The following RGS5 variants were observed in gnomAD, a reference collection of about 807,000 sequenced individuals.
The protein encoded by RGS5 is regulator of G-protein signalling 5.
RGS5 carries 20 observed loss-of-function variants against 18.9 expected under a neutral mutation model. The observed-to-expected ratio is 1.06, with a 90% CI of 0.74 to 1.54. The LOEUF is 1.54. RGS5 is among the 40% of genes most tolerant of loss of function. The pLI is 0.00. For synonymous variants in RGS5, 57 were observed against 76.2 expected, an observed-to-expected ratio of 0.75 and a Z score of 1.31; for missense variants, 201 against 211.8, an observed-to-expected ratio of 0.95 and a Z score of 0.32.
At chr1:163,177,053 G>C (rs1002579601) in intron 1 of RGS5, among the ~76,000 whole-genome samples, 2 of 152,204 alleles carry the variant, frequency 1.3e-5, no homozygotes, top group Non-Finnish European at 2.9e-5. Flanking sequence ...CCAACTAGCA[G>C]GACGCGTGCT....
chr1:163,199,935 T>A (rs1013845301), intron 1 of RGS5, among the ~76,000 whole-genome samples: 1 of 152,084 alleles, frequency 6.6e-6, no homozygotes, highest in African/African-American at 2.4e-5. Flanking sequence ...CCTCCCAAAG[T>A]GCGAGGATTA....
chr1:163,277,744 G>A (rs1389745263), intron 2 of RGS5, among the ~76,000 whole-genome samples: 1 of 152,082 alleles, frequency 6.6e-6, no homozygotes, highest in Non-Finnish European at 1.5e-5. Context: ...GGTCCAACAT[G>A]AGAGGAACAC....
chr1:163,301,457 T>G (rs527688040), intron 2 of RGS5, among the ~76,000 whole-genome samples: 1 of 152,234 alleles, frequency 6.6e-6, no homozygotes, highest in Non-Finnish European at 1.5e-5. Flanking sequence ...TTCAGCTTCC[T>G]GAGTATCTGG....
At chr1:163,230,579 T>C (rs1647454657) in intron 2 of RGS5, among the ~76,000 whole-genome samples, 1 of 152,194 alleles carries the variant, frequency 6.6e-6, no homozygotes, top group Non-Finnish European at 1.5e-5. Flanking sequence ...GAAGGCTGTG[T>C]CAACTCATGC....
At chr1:163,194,936 C>G (rs896693359) in intron 1 of RGS5, among the ~76,000 whole-genome samples, 3 of 152,022 alleles carry the variant, frequency 2.0e-5, no homozygotes, top group Non-Finnish European at 4.4e-5. Flanking sequence ...AGTCAAAAAA[C>G]AATAGATGTT....
intron 1 of RGS5, among the ~76,000 whole-genome samples, chr1:163,192,383 C>T (rs550133234): frequency 2.8e-4 from 43 of 152,136 alleles, no homozygotes; most frequent in African/African-American, 9.9e-4. Flanking sequence ...GTGGGGAAAT[C>T]CCACACATTG....
intron 2 of RGS5, among the ~76,000 whole-genome samples, chr1:163,278,795 T>C (rs1295625026): frequency 6.6e-6 from 1 of 152,048 alleles, no homozygotes; most frequent in Non-Finnish European, 1.5e-5. Context: ...ATATGCTGCC[T>C]ACAAGAAACT....
intron 2 of RGS5, among the ~76,000 whole-genome samples, chr1:163,245,602 G>C (rs1390474223): frequency 6.6e-6 from 1 of 152,168 alleles, no homozygotes; most frequent in Non-Finnish European, 1.5e-5. Flanking sequence ...TATCACAGTT[G>C]AGAATGCAAA....
chr1:163,234,133 T>G (rs1183250986), intron 2 of RGS5, among the ~76,000 whole-genome samples: 1 of 152,228 alleles, frequency 6.6e-6, no homozygotes, highest in Non-Finnish European at 1.5e-5. Context: ...ATAGAAGGGA[T>G]AAGATCACAT....
upstream of RGS5, among the ~76,000 whole-genome samples, chr1:163,221,622 G>T (rs1321189209): frequency 2.6e-5 from 4 of 152,314 alleles, no homozygotes; most frequent in African/African-American, 9.6e-5. Context: ...AAAAGAATTT[G>T]CTTCTGATGT....
chr1:163,284,787 C>T (rs778096389), intron 2 of RGS5, among the ~76,000 whole-genome samples: 2 of 152,016 alleles, frequency 1.3e-5, no homozygotes, highest in Non-Finnish European at 2.9e-5. Context: ...CTCTCTCCTC[C>T]CCTCCCTCCC....
intron 2 of RGS5, among the ~76,000 whole-genome samples, chr1:163,292,288 C>T (rs551028776): frequency 8.5e-5 from 13 of 152,210 alleles, no homozygotes; most frequent in East Asian, 3.9e-4. Flanking sequence ...TCTGTTCTTG[C>T]GTTAGTTTAC....
At chr1:163,172,448 A>G (rs565369986) in intron 1 of RGS5, 6 of 1,222,000 alleles carry the variant, frequency 4.9e-6, no homozygotes, top group African/African-American at 1.5e-5. Context: ...TATTTTATCT[A>G]TATCACTGCT....
intron 2 of RGS5, among the ~76,000 whole-genome samples, chr1:163,235,903 C>A (rs753390356): frequency 1.4e-4 from 21 of 152,180 alleles, no homozygotes; most frequent in Non-Finnish European, 1.5e-4. Context: ...AGGACAATGC[C>A]TTTAAAATTC....
At chr1:163,244,022 A>G (rs1302313059) in intron 2 of RGS5, among the ~76,000 whole-genome samples, 1 of 152,232 alleles carries the variant, frequency 6.6e-6, no homozygotes, top group Non-Finnish European at 1.5e-5. Flanking sequence ...TAAATGTAAT[A>G]ACCTATGAGA....
chr1:163,287,098 T>G (rs1649164590), intron 2 of RGS5, among the ~76,000 whole-genome samples: 3 of 152,174 alleles, frequency 2.0e-5, no homozygotes, highest in Admixed American at 2.0e-4. Context: ...GTGCAATAAG[T>G]AAAAAATTAG....
chr1:163,318,639 T>A (rs989008424), intron 1 of RGS5, among the ~76,000 whole-genome samples: 4 of 150,988 alleles, frequency 2.6e-5, no homozygotes, highest in Non-Finnish European at 5.9e-5. Context: ...CAACTCAAGG[T>A]TGGAACTTTG....
At chr1:163,252,053 T>C (rs1648118989) in intron 2 of RGS5, among the ~76,000 whole-genome samples, 1 of 152,172 alleles carries the variant, frequency 6.6e-6, no homozygotes, top group African/African-American at 2.4e-5. Flanking sequence ...ATCTTAAATA[T>C]ATATTTAGTT....
intron 2 of RGS5, among the ~76,000 whole-genome samples, chr1:163,232,683 G>A (rs958627510): frequency 5.9e-5 from 9 of 152,270 alleles, no homozygotes; most frequent in African/African-American, 2.2e-4. Context: ...ATGTAATAGT[G>A]TGTTACATAC....
Sources: allele counts gnomAD v4.1 joint callset (sites outside exome capture counted in the v4.1 genomes callset), GRCh38; gene constraint gnomAD v4.1.1; transcripts MANE v1.5; gene names NCBI Gene and HGNC (gene_info 2026-07-23, HGNC 2026-07-21).